MAST4: variants seen among roughly 807,000 people sequenced by gnomAD.
The protein encoded by MAST4 is microtubule-associated serine/threonine-protein kinase 4.
A neutral mutation model predicts 162.7 loss-of-function variants in MAST4; 89 were observed. The observed-to-expected ratio is 0.55, with a 90% CI of 0.46 to 0.65. The LOEUF (loss-of-function observed/expected upper bound fraction) is 0.65. MAST4 is among the 30% of genes least tolerant of loss of function. The pLI is 0.00. For missense variants in MAST4, 3,153 were observed against 3,374.0 expected (o/e 0.93, Z 1.62); for synonymous variants, 1,479 against 1,361.1 (o/e 1.09, Z -1.91).
chr5:66,596,603 G>T lies in MAST4; in HGVS notation c.-53G>T. 1 of 1,383,860 alleles carries T rather than the reference G, an allele frequency of 7.2e-7. No homozygotes were observed. The highest frequency in any genetic ancestry group is 9.3e-7 in the Non-Finnish European group (1 of 1,072,504). The allele number at this position is 1,383,860 out of a possible 1,614,324, so 85.7% of individuals were successfully genotyped here. A position where few individuals can be genotyped will look rare whatever the true frequency, so the allele number is the denominator to read the frequency against. On this transcript the variant is annotated 5_prime_UTR_variant, in exon 1 of 29. Transcript: ENST00000403625. ...GCCCGCGTCTTCCCCGGGAGGCGCTGAGTGCGCGCCGCGCCCCCGCCGCTC... is the reference window on the plus strand; with the variant it reads ...GCCCGCGTCTTCCCCGGGAGGCGCTTAGTGCGCGCCGCGCCCCCGCCGCTC...
At chr5:66,745,469 A>T (rs1481908587) in intron 1 of MAST4, among the ~76,000 whole-genome samples, 1 of 152,170 alleles carries the variant, frequency 6.6e-6, no homozygotes, top group Non-Finnish European at 1.5e-5. Flanking sequence ...GTGTTTAGAT[A>T]CCGCTAATTA....
chr5:66,753,413 TAAAG>T (rs1417318572), intron 1 of MAST4, among the ~76,000 whole-genome samples: 128 of 148,980 alleles, frequency 8.6e-4, no homozygotes, highest in African/African-American at 2.8e-3. Context: ...GCAAGACTAA[TAAAG>T]AAAAAAAGAG....
chr5:66,949,653 G>T (rs1255350645), intron 4 of MAST4, among the ~76,000 whole-genome samples: 1 of 152,166 alleles, frequency 6.6e-6, no homozygotes, highest in Non-Finnish European at 1.5e-5. Flanking sequence ...TTTGGTCACA[G>T]ATAGTCTGTA....
intron 1 of MAST4, among the ~76,000 whole-genome samples, chr5:66,644,132 A>AC (rs1745666992): frequency 6.7e-6 from 1 of 148,284 alleles, no homozygotes; most frequent in African/African-American, 2.5e-5. Context: ...GTTTGACTTG[A>AC]TTTTTTTTTT....
At chr5:66,735,402 T>C (rs1289762783) in intron 1 of MAST4, among the ~76,000 whole-genome samples, 1 of 152,250 alleles carries the variant, frequency 6.6e-6, no homozygotes, top group African/African-American at 2.4e-5. Flanking sequence ...GTTAATTTTA[T>C]ATGTTACTTT....
chr5:66,997,366 C>A (rs1206658346), intron 4 of MAST4, among the ~76,000 whole-genome samples: 1 of 150,816 alleles, frequency 6.6e-6, no homozygotes, highest in African/African-American at 2.4e-5. Context: ...TGAGTATTAT[C>A]TTTTTTTAAT....
chr5:67,149,047 G>A (rs750256052), intron 23 of MAST4, among the ~76,000 whole-genome samples: 1 of 152,080 alleles, frequency 6.6e-6, no homozygotes, highest in Non-Finnish European at 1.5e-5. Context: ...GGTATGGGGG[G>A]GGTAGGGGCA....
intron 1 of MAST4, among the ~76,000 whole-genome samples, chr5:66,623,634 C>A (rs1431778417): frequency 6.6e-6 from 1 of 152,142 alleles, no homozygotes; most frequent in Non-Finnish European, 1.5e-5. Flanking sequence ...TTAGTAAAAG[C>A]CATATATGAA....
chr5:66,826,501 A>G (rs1279797231), intron 3 of MAST4, among the ~76,000 whole-genome samples: 1 of 151,956 alleles, frequency 6.6e-6, no homozygotes, highest in Non-Finnish European at 1.5e-5. Flanking sequence ...AGCTTACACG[A>G]TTGGTCACAG....
At chr5:66,748,568 A>C (rs1366681666) in intron 1 of MAST4, among the ~76,000 whole-genome samples, 1 of 150,608 alleles carries the variant, frequency 6.6e-6, no homozygotes, top group Admixed American at 6.6e-5. Context: ...GGCTCACTGC[A>C]ACCACTGCCT....
At chr5:67,006,679 A>G (rs1752079311) in intron 4 of MAST4, among the ~76,000 whole-genome samples, 1 of 151,916 alleles carries the variant, frequency 6.6e-6, no homozygotes, top group Admixed American at 6.6e-5. Context: ...CTTCCTACCT[A>G]CCTGTTGATA....
chr5:66,822,868 G>A (rs1049217813), intron 3 of MAST4, among the ~76,000 whole-genome samples: 1 of 152,150 alleles, frequency 6.6e-6, no homozygotes, highest in African/African-American at 2.4e-5. Context: ...ATGGTGTTAG[G>A]AGCCCAAACT....
chr5:66,689,115 CTT>C (rs34170881), intron 1 of MAST4, among the ~76,000 whole-genome samples: 74,156 of 150,744 alleles, frequency 0.49, 18,713 homozygotes, highest in South Asian at 0.6. Flanking sequence ...TAAACAGTTC[CTT>C]TTTTTTTTTG....
chr5:66,791,393 A>G (rs746932432), intron 3 of MAST4, among the ~76,000 whole-genome samples: 12 of 152,228 alleles, frequency 7.9e-5, no homozygotes, highest in Non-Finnish European at 1.5e-4. Flanking sequence ...TGACTTATTC[A>G]TTGATGAAAT....
chr5:66,707,350 C>T (rs1205843398), intron 1 of MAST4, among the ~76,000 whole-genome samples: 2 of 152,136 alleles, frequency 1.3e-5, no homozygotes, highest in Non-Finnish European at 2.9e-5. Flanking sequence ...GTTCCTCATC[C>T]CTGGGTTGGG....
chr5:66,896,304 A>G (rs1762679795), intron 3 of MAST4, among the ~76,000 whole-genome samples: 1 of 152,202 alleles, frequency 6.6e-6, no homozygotes, highest in Non-Finnish European at 1.5e-5. Flanking sequence ...TGTTCTTCTC[A>G]TCACATCATA....
chr5:66,706,832 C>T (rs1750162512), intron 1 of MAST4, among the ~76,000 whole-genome samples: 1 of 152,100 alleles, frequency 6.6e-6, no homozygotes, highest in South Asian at 2.1e-4. Context: ...AATATCTTGA[C>T]TATAAGAAAC....
chr5:66,910,424 C>A (rs1014806705), intron 4 of MAST4, among the ~76,000 whole-genome samples: 3 of 152,150 alleles, frequency 2.0e-5, no homozygotes, highest in Non-Finnish European at 1.5e-5. Context: ...ATTGTTCTCT[C>A]TTTACCCGGG....
chr5:67,018,534 A>C (rs1208747304), intron 4 of MAST4, among the ~76,000 whole-genome samples: 3 of 152,174 alleles, frequency 2.0e-5, no homozygotes, highest in Non-Finnish European at 2.9e-5. Flanking sequence ...AGTCCCTTTG[A>C]TACTACATAG....
Sources: allele counts gnomAD v4.1 joint callset (sites outside exome capture counted in the v4.1 genomes callset), GRCh38; gene constraint gnomAD v4.1.1; transcripts MANE v1.5; gene names NCBI Gene and HGNC (gene_info 2026-07-23, HGNC 2026-07-21).